The following ALG8 variants were observed in gnomAD, a reference collection of about 807,000 sequenced individuals.
ALG8 encodes the protein ALG8 alpha-1,3-glucosyltransferase, also known as dolichyl pyrophosphate Glc1Man9GlcNAc2 alpha-1,3-glucosyltransferase.
In ALG8, 48 loss-of-function variants were observed where a neutral mutation model predicts 70.2. That is an observed-to-expected ratio of 0.68 (90% CI 0.54 to 0.87). ALG8 has a LOEUF of 0.87. Ranked by LOEUF, ALG8 falls within the 40% of genes least tolerant of loss-of-function variation. ALG8 has a pLI of 0.00. For synonymous variants in ALG8, 234 were observed against 229.0 expected (o/e 1.02, Z -0.20); for missense variants, 572 against 608.7 (o/e 0.94, Z 0.64).
At chr11:78,130,116 C>CAAT (rs1861239143) in intron 1 of ALG8, among the ~76,000 whole-genome samples, 1 of 152,058 alleles carries the variant, frequency 6.6e-6, no homozygotes, top group Non-Finnish European at 1.5e-5. Flanking sequence ...CTTCGGGAGG[C>CAAT]CAAGGCGGGT....
At chr11:78,134,369 C>T (rs472169) in intron 1 of ALG8, among the ~76,000 whole-genome samples, 33,150 of 152,002 alleles carry the variant, frequency 0.22, 4,482 homozygotes, top group African/African-American at 0.38. Context: ...AACTCCTGAC[C>T]TCAGGTGACC....
intron 10 of ALG8, among the ~76,000 whole-genome samples, chr11:78,105,101 A>T (rs921588794): frequency 3.3e-5 from 5 of 152,142 alleles, no homozygotes; most frequent in Non-Finnish European, 7.3e-5. Context: ...CCTATAGCTC[A>T]TCTCTTGGAC....
At chr11:78,111,245 C>T (rs768149693) in intron 8 of ALG8, among the ~76,000 whole-genome samples, 2 of 152,180 alleles carry the variant, frequency 1.3e-5, no homozygotes, top group Non-Finnish European at 2.9e-5. Flanking sequence ...GAGTAACCTG[C>T]CCAAAGTCAC....
At chr11:78,102,374 A>G (rs1325864264) in intron 12 of ALG8, among the ~76,000 whole-genome samples, 1 of 152,214 alleles carries the variant, frequency 6.6e-6, no homozygotes, top group East Asian at 1.9e-4. Context: ...TCATTCATGT[A>G]GCATGTATTG....
intron 1 of ALG8, among the ~76,000 whole-genome samples, chr11:78,130,348 C>CAAATAAAAA (rs1861254318): frequency 2.0e-5 from 1 of 49,180 alleles, no homozygotes; most frequent in East Asian, 7.0e-4. Context: ...GACCCGGTCT[C>CAAATAAAAA]AAAAAAAAAA....
intron 1 of ALG8, among the ~76,000 whole-genome samples, chr11:78,127,640 A>G (rs926422403): frequency 2.6e-5 from 4 of 152,082 alleles, no homozygotes; most frequent in African/African-American, 9.7e-5. Context: ...TGAGCAATCT[A>G]CAAGTCAGTG....
chr11:78,137,894 A>G (rs1014231911), intron 1 of ALG8, among the ~76,000 whole-genome samples: 24 of 152,370 alleles, frequency 1.6e-4, no homozygotes, highest in African/African-American at 5.3e-4. Flanking sequence ...GAGTTGCTCA[A>G]TGGAGAGTTA....
chr11:78,123,236 G>A (rs1214432467), intron 3 of ALG8, among the ~76,000 whole-genome samples: 1 of 147,352 alleles, frequency 6.8e-6, no homozygotes, highest in African/African-American at 2.5e-5. Flanking sequence ...AACCCGAGAG[G>A]CAGTTGCAGT....
intron 5 of ALG8, among the ~76,000 whole-genome samples, chr11:78,117,665 C>T (rs1245241117): frequency 1.3e-5 from 2 of 151,066 alleles, no homozygotes; most frequent in South Asian, 2.1e-4. Context: ...GTAATTCTAG[C>T]GACTCAGGAG....
chr11:78,127,517 G>A, intron 1 of ALG8, 81 bp from the exon 2 acceptor site: 1 of 1,213,778 alleles, frequency 8.2e-7, no homozygotes, highest in Non-Finnish European at 1.2e-6. Context: ...GCTTTTAAAT[G>A]GACTGACATT....
rs745411555 is a variant in ALG8 at position 78,112,740 on chromosome 11, A to G, written c.808T>C (p.Phe270Leu). Reference protein sequence around the residue: ...NQLPQVFSRLFPFKRGLCHAY... With the variant: ...NQLPQVFSRLLPFKRGLCHAY... ...TGACAGAGGCCCCTCTTGAAAGGAA[A>G]GAGTCGGGAAAAGACTTGAGGCAGC... The change falls in exon 8 of 13, where the codon TTT (phenylalanine) becomes CTT (leucine). Residue 270 changes from phenylalanine (F) to leucine (L), a missense_variant. Phe to Leu is a conservative substitution (Grantham distance 22). Transcript: ENST00000299626. 2.5e-6 allele frequency: 4 copies of G among 1,614,014 alleles called. No individual in the cohort carries two copies. The South Asian group carries it at 4.4e-5, about 18-fold the overall frequency.
chr11:78,101,189 T>C lies in ALG8; in HGVS notation c.1356A>G (p.Glu452=), dbSNP rs142520385. 4.2e-5 allele frequency: 68 copies of C among 1,613,588 alleles called. No homozygotes were observed. The African/African-American group carries it at 8.4e-4, about 20-fold the overall frequency. ...ISSLKTLFRK[E]KPLFNWMETF... ...TTTCCATCCAATTAAAAAGAGGTTTTTCTTTTCTGAAGGAAAAAAGAGAGA... is the reference window on the plus strand; with the variant it reads ...TTTCCATCCAATTAAAAAGAGGTTTCTCTTTTCTGAAGGAAAAAAGAGAGA... The change falls in exon 13 of 13, where the codon GAA becomes GAG. Residue 452 remains glutamate, a synonymous_variant. Transcript: ENST00000299626.
chr11:78,109,296 G>A lies in ALG8; in HGVS notation c.1038+146C>T. 5 of 1,078,268 alleles carry A rather than the reference G, an allele frequency of 4.6e-6. No individual in the cohort carries two copies. In the Admixed American group the frequency reaches 6.2e-5, roughly 13 times the overall value. 66.8% of individuals were successfully genotyped at this position (1,078,268 alleles called of 1,614,324 possible). A position where few individuals can be genotyped will look rare whatever the true frequency, so the allele number is the denominator to read the frequency against. On this transcript the variant is annotated intron_variant, in intron 9 of 12. Transcript: ENST00000299626. ...GGTATTCAAAGTTACTCTAAGAATT[G>A]CTAGGAAATGCTTCAATCTGCAGAA...
At chr11:78,123,870 T>C (rs1860940602) in intron 3 of ALG8, 151 bp downstream of exon 3, 2 of 846,842 alleles carry the variant, frequency 2.4e-6, no homozygotes, top group Admixed American at 4.5e-5. Flanking sequence ...GCTTTAAACA[T>C]GTAGTTTAAA....
chr11:78,101,904 C>A (rs1859813213), intron 12 of ALG8, among the ~76,000 whole-genome samples: 2 of 152,148 alleles, frequency 1.3e-5, no homozygotes, highest in African/African-American at 4.8e-5. Context: ...TGCAGTGGTG[C>A]AATCTCAGCT....
intron 10 of ALG8, among the ~76,000 whole-genome samples, chr11:78,105,750 C>T (rs1860000329): frequency 6.6e-6 from 1 of 151,588 alleles, no homozygotes; most frequent in South Asian, 2.1e-4. Flanking sequence ...CTCTATTGCC[C>T]CAGGCTGGAG....
chr11:78,130,309 A>G (rs1861249795), intron 1 of ALG8, among the ~76,000 whole-genome samples: 1 of 143,964 alleles, frequency 6.9e-6, no homozygotes, highest in Non-Finnish European at 1.5e-5. Flanking sequence ...AGTTTGCACC[A>G]CTGCACTCCA....
chr11:78,138,699 T>C (rs950292706), intron 1 of ALG8: 1 of 456,208 alleles, frequency 2.2e-6, no homozygotes, highest in Non-Finnish European at 4.4e-6. Context: ...TAATAAATAC[T>C]GAGTACCTAC....
chr11:78,127,381 G>C lies in ALG8; in HGVS notation c.151C>G (p.Pro51Ala), dbSNP rs1176428361. 2 of 1,613,392 alleles carry C rather than the reference G, an allele frequency of 1.2e-6. No homozygotes were observed. The highest frequency in any genetic ancestry group is 1.1e-5 in the South Asian group (1 of 91,070). ...ACCTCATAATACCACTGTGATATTG[G>C]CAAACTGTGAGTGATAGCAAGCCAG... The part of the protein sequence containing the change: ...RNWLAITHSL[P>A]ISQWYYEATS... Residue 51 changes from proline (P) to alanine (A), a missense_variant, in exon 2 of 13, where the codon CCA becomes GCA. Coordinates refer to ENST00000299626, the MANE Select transcript of ALG8 (RefSeq NM_024079.5).
Sources: gnomAD v4.1 joint callset for allele counts (sites outside exome capture counted in the v4.1 genomes callset) on GRCh38, gnomAD v4.1.1 for gene constraint, MANE v1.5 for transcripts, NCBI Gene and HGNC (gene_info 2026-07-23, HGNC 2026-07-21) for gene names.